Variants in HOMER2 observed in about 807,000 individuals in gnomAD.
The protein encoded by HOMER2 is homer protein homolog 2.
In HOMER2, 27 loss-of-function variants were observed where a neutral mutation model predicts 47.0. That is an observed-to-expected ratio of 0.57 (90% confidence interval 0.42 to 0.79). The LOEUF is 0.79. Ranked by LOEUF, HOMER2 falls within the 30% of genes least tolerant of loss-of-function variation. The probability of loss-of-function intolerance (pLI) is 0.00; values close to 1 mark genes in which losing one functional copy is unlikely to be tolerated. For synonymous variants in HOMER2, 161 were observed against 163.8 expected, an observed-to-expected ratio of 0.98 and a Z score of 0.13; for missense variants, 443 against 435.0, an observed-to-expected ratio of 1.02 and a Z score of -0.16.
At chr15:82,865,961 T>C (rs1250591062) in intron 3 of HOMER2, among the ~76,000 whole-genome samples, 1 of 152,178 alleles carries the variant, frequency 6.6e-6, no homozygotes, top group African/African-American at 2.4e-5. Flanking sequence ...AGAAGGGAAA[T>C]GTGGGGTCAA....
chr15:82,971,775 G>A (rs933429688), intron 1 of HOMER2, among the ~76,000 whole-genome samples: 2 of 152,168 alleles, frequency 1.3e-5, no homozygotes, highest in African/African-American at 2.4e-5. Context: ...ACTGATATGG[G>A]GGTGGGGGAG....
intron 1 of HOMER2, among the ~76,000 whole-genome samples, chr15:82,932,909 T>C (rs1340868096): frequency 2.0e-5 from 3 of 152,130 alleles, no homozygotes; most frequent in Non-Finnish European, 2.9e-5. Context: ...GAGCCAAAGC[T>C]GGGCTCCCTC....
intron 1 of HOMER2, among the ~76,000 whole-genome samples, chr15:82,899,426 G>A (rs1661139781): frequency 6.6e-6 from 1 of 152,220 alleles, no homozygotes; most frequent in African/African-American, 2.4e-5. Context: ...CCAGCCAGCA[G>A]GGCCAAATCC....
At chr15:82,854,342 G>A (rs908279852) in intron 6 of HOMER2, among the ~76,000 whole-genome samples, 2 of 152,168 alleles carry the variant, frequency 1.3e-5, no homozygotes, top group Non-Finnish European at 2.9e-5. Context: ...GAGACAGGAG[G>A]CTGCAGTGCA....
intron 2 of HOMER2, among the ~76,000 whole-genome samples, chr15:82,889,348 T>G (rs2052638302): frequency 6.6e-6 from 1 of 152,234 alleles, no homozygotes; most frequent in Non-Finnish European, 1.5e-5. Flanking sequence ...GCATGAGGCC[T>G]GGGACGTGCA....
intron 1 of HOMER2, among the ~76,000 whole-genome samples, chr15:82,947,323 A>G (rs1237005993): frequency 6.6e-6 from 1 of 152,234 alleles, no homozygotes; most frequent in Non-Finnish European, 1.5e-5. Context: ...ATGAACATCA[A>G]AAGAAAGTAA....
At chr15:82,926,812 G>A (rs1376874829) in intron 1 of HOMER2, among the ~76,000 whole-genome samples, 1 of 152,250 alleles carries the variant, frequency 6.6e-6, no homozygotes, top group Non-Finnish European at 1.5e-5. Context: ...ATACAAGGGT[G>A]AGTTCCACCC....
chr15:82,941,789 C>G (rs1040934757), intron 1 of HOMER2, among the ~76,000 whole-genome samples: 1 of 152,158 alleles, frequency 6.6e-6, no homozygotes, highest in Admixed American at 6.5e-5. Flanking sequence ...CATTCTTTTC[C>G]ATCTCCATGC....
upstream of HOMER2, among the ~76,000 whole-genome samples, chr15:82,956,280 GC>G: frequency 6.6e-6 from 1 of 150,528 alleles, no homozygotes. Flanking sequence ...AGACAAAGAA[GC>G]ATCAGTCATG....
Position 82,932,520 on chromosome 15 carries a change from G to GA in HOMER2, c.5+20010dup, listed in dbSNP as rs370313558. ...TGTCTCAAAAAAAAAAAAGAAAAAA[G>GA]AAAAAAAAAGACCTGGGGAAGAGCT... On this transcript the variant is annotated intron_variant, in intron 1 of 8. Transcript: ENST00000450735. Among the ~76,000 whole-genome samples, 27 of 149,640 alleles carry GA rather than the reference G, an allele frequency of 1.8e-4. No individual in the cohort carries two copies. In the East Asian group the frequency reaches 2.2e-3, roughly 12 times the overall value.
At chr15:82,862,444 CAAAT>C (rs752598366) in intron 4 of HOMER2, among the ~76,000 whole-genome samples, 23 of 152,274 alleles carry the variant, frequency 1.5e-4, no homozygotes, top group East Asian at 5.8e-4. Flanking sequence ...GACCCCGTCT[CAAAT>C]AAATAAACTT....
chr15:82,840,086 T>TAGAACACTAAATATAAATTTAAGAGATA (rs2051161451), exon 2 of HOMER2: 1 of 152,156 alleles, frequency 6.6e-6, no homozygotes, highest in Non-Finnish European at 1.5e-5. Context: ...ATTTATAACT[T>TAGAACACTAAATATAAATTTAAGAGATA]AGAACACTAA....
chr15:82,967,363 C>T (rs1439658121), intron 1 of HOMER2, among the ~76,000 whole-genome samples: 5 of 151,892 alleles, frequency 3.3e-5, no homozygotes, highest in Non-Finnish European at 5.9e-5. Flanking sequence ...GGTATGATAA[C>T]GTAAGTTTTA....
intron 3 of HOMER2, among the ~76,000 whole-genome samples, chr15:82,866,432 G>A (rs117765475): frequency 6.6e-6 from 1 of 152,210 alleles, no homozygotes; most frequent in Non-Finnish European, 1.5e-5. Flanking sequence ...CCTTGTCTCA[G>A]ATGAGACCGG....
chr15:82,900,652 C>A (rs961845513), intron 1 of HOMER2, among the ~76,000 whole-genome samples: 4 of 151,842 alleles, frequency 2.6e-5, no homozygotes, highest in African/African-American at 9.7e-5. Flanking sequence ...GAAATAGAAG[C>A]CTAAAGAAGT....
At chr15:82,964,638 C>T (rs1305374787) in intron 1 of HOMER2, among the ~76,000 whole-genome samples, 1 of 152,118 alleles carries the variant, frequency 6.6e-6, no homozygotes, top group Non-Finnish European at 1.5e-5. Context: ...CAGTGGTTTG[C>T]ACCTGTAATC....
chr15:82,890,627 C>T (rs1390585377), intron 2 of HOMER2, among the ~76,000 whole-genome samples: 2 of 152,198 alleles, frequency 1.3e-5, no homozygotes, highest in African/African-American at 2.4e-5. Flanking sequence ...AACTGCAGAG[C>T]CATAACGACA....
chr15:82,977,534 T>C (rs891639437), intron 1 of HOMER2, among the ~76,000 whole-genome samples: 1 of 148,778 alleles, frequency 6.7e-6, no homozygotes, highest in Non-Finnish European at 1.5e-5. Context: ...GTTTTAGAGC[T>C]GGAGGAGACC....
rs2054531424 is a variant in HOMER2, at chr15:82,952,551, G to A, written c.-16C>T. 6 of 1,178,642 alleles carry A rather than the reference G, an allele frequency of 5.1e-6. No homozygotes were observed. The highest frequency in any genetic ancestry group is 6.3e-6 in the Non-Finnish European group (6 of 953,920). 73.0% of individuals were successfully genotyped at this position (1,178,642 alleles called of 1,614,324 possible). On this transcript the variant is annotated 5_prime_UTR_variant, in exon 1 of 9. Transcript: ENST00000450735. ...CTCACCCCATCTCCGGCGCTGCTCC[G>A]GCGGCCGCTCCGACGGGGCCTCTCG...
Sources: allele counts gnomAD v4.1 joint callset (sites outside exome capture counted in the v4.1 genomes callset), GRCh38; gene constraint gnomAD v4.1.1; transcripts MANE v1.5; gene names NCBI Gene and HGNC (gene_info 2026-07-23, HGNC 2026-07-21).